GRK5: variants seen among roughly 807,000 people sequenced by gnomAD.
GRK5 encodes the protein g protein-coupled receptor kinase GRK5.
A neutral mutation model predicts 78.4 loss-of-function variants in GRK5; 40 were observed. That is an observed-to-expected ratio of 0.51 (90% CI 0.40 to 0.66). The LOEUF (loss-of-function observed/expected upper bound fraction) is 0.66, where lower values mean the gene tolerates loss of function less well. GRK5 is among the 30% of genes least tolerant of loss of function. The pLI, the probability that GRK5 is intolerant of heterozygous loss-of-function variation, is 0.00. For missense variants in GRK5, 598 were observed against 759.9 expected, an observed-to-expected ratio of 0.79 and a Z score of 2.50; for synonymous variants, 289 against 296.8, an observed-to-expected ratio of 0.97 and a Z score of 0.27.
At chr10:119,351,160 G>A (rs925960405) in intron 2 of GRK5, among the ~76,000 whole-genome samples, 1 of 152,196 alleles carries the variant, frequency 6.6e-6, no homozygotes, top group African/African-American at 2.4e-5. Context: ...TCCAGCCACT[G>A]CAACAGTAAT....
At chr10:119,266,597 G>A (rs1247701960) in intron 1 of GRK5, among the ~76,000 whole-genome samples, 1 of 152,142 alleles carries the variant, frequency 6.6e-6, no homozygotes, top group Non-Finnish European at 1.5e-5. Flanking sequence ...TAGTGAAGCC[G>A]GTGGGGCTGG....
At chr10:119,374,657 C>A (rs1377439933) in intron 2 of GRK5, among the ~76,000 whole-genome samples, 1 of 152,164 alleles carries the variant, frequency 6.6e-6, no homozygotes, top group Non-Finnish European at 1.5e-5. Flanking sequence ...CATTCATTAC[C>A]AAGGAAGTGT....
intron 2 of GRK5, among the ~76,000 whole-genome samples, chr10:119,345,061 T>C (rs917631531): frequency 1.3e-5 from 2 of 151,412 alleles, no homozygotes; most frequent in African/African-American, 4.9e-5. Flanking sequence ...CTCCACCTCC[T>C]GGGTTCAAGC....
At chr10:119,453,707 C>A (rs1853342004) in intron 15 of GRK5, among the ~76,000 whole-genome samples, 1 of 152,188 alleles carries the variant, frequency 6.6e-6, no homozygotes, top group Admixed American at 6.5e-5. Flanking sequence ...TGATTGAGAG[C>A]CACTGCCCTC....
chr10:119,208,372 G>A lies in GRK5; in HGVS notation c.52+403G>A, dbSNP rs535715724. On this transcript the variant is annotated intron_variant, in intron 1 of 15. Transcript: ENST00000392870. ...ACTGGTGTGTGTGTTCGAGGGGCGG[G>A]GGTGGAATGAGCAGAAGCCAAGTCT... Among the ~76,000 whole-genome samples the A allele has an allele frequency of 3.3e-5, 5 of 152,272 alleles. No individual in the cohort carries two copies. In the South Asian group the frequency reaches 1.0e-3, roughly 32 times the overall value.
At chr10:119,448,322 G>A in intron 13 of GRK5, 62 bp downstream of exon 13, 2 of 1,528,112 alleles carry the variant, frequency 1.3e-6, no homozygotes, top group Non-Finnish European at 1.8e-6. Flanking sequence ...CTGCCCCCGA[G>A]TGCTGCCTCA....
In GRK5 at chr10:119,430,626, G is replaced by A. The variant is rs1394141382; in HGVS notation, c.597+188G>A. On this transcript the variant is annotated intron_variant, in intron 7 of 15. Transcript: ENST00000392870. The surrounding 1 kb of genome is among the most constrained non-coding windows in gnomAD (Gnocchi z 4.5). ...TGGGGCTATCAGGTGTGTCTATGGT[G>A]GAAAGAGGTTGTGGAGCTGGGCAGG... 1.3e-5 allele frequency among the ~76,000 whole-genome samples: 2 copies of A among 152,050 alleles called. No individual in the cohort carries two copies. Among genetic ancestry groups the A allele is most frequent in the Admixed American group, 6.5e-5 (1 of 15,278 alleles).
At chr10:119,290,704 G>A (rs746451189) in intron 1 of GRK5, among the ~76,000 whole-genome samples, 1 of 151,754 alleles carries the variant, frequency 6.6e-6, no homozygotes, top group Non-Finnish European at 1.5e-5. Flanking sequence ...TTGTCCTTCC[G>A]AGTCCCTCTG....
intron 2 of GRK5, among the ~76,000 whole-genome samples, chr10:119,342,093 C>CA (rs11384740): frequency 1 from 152,123 of 152,322 alleles, 75,962 homozygotes; most frequent in Non-Finnish European, 1. Flanking sequence ...ACTGGTCAGG[C>CA]GAGATGGGCA....
chr10:119,331,339 G>A (rs988870571), intron 2 of GRK5, among the ~76,000 whole-genome samples: 1 of 152,248 alleles, frequency 6.6e-6, no homozygotes, highest in Non-Finnish European at 1.5e-5. Context: ...GCTGACGTGA[G>A]CCGTGGGGCT....
Position 119,309,271 on chromosome 10 carries a change from C to T in GRK5, c.53-17245C>T, listed in dbSNP as rs554831116. ...ACCTGGCATGGGTCAGTGCCGCCCA[C>T]GAGCCTGTGAGCTCTTGTAGGGCAG... On this transcript the variant is annotated intron_variant, in intron 1 of 15. Transcript: ENST00000392870. Among the ~76,000 whole-genome samples, 7 of 152,322 alleles carry T rather than the reference C, an allele frequency of 4.6e-5. No homozygotes were observed. The South Asian group carries it at 1.0e-3, about 23-fold the overall frequency.
At chr10:119,393,647 T>C (rs1333914750) in intron 3 of GRK5, among the ~76,000 whole-genome samples, 2 of 152,190 alleles carry the variant, frequency 1.3e-5, no homozygotes, top group African/African-American at 4.8e-5. Flanking sequence ...CCTGGGTGCT[T>C]CTCATTCTGG....
At chr10:119,354,395 CT>C (rs60146483) in intron 2 of GRK5, among the ~76,000 whole-genome samples, 1,156 of 87,760 alleles carry the variant, frequency 0.013, 3 homozygotes, top group African/African-American at 0.034. Flanking sequence ...CCTACATCTC[CT>C]TTTTTTTTTT....
At chr10:119,454,914 C>A (rs1853371840) in intron 15 of GRK5, 55 bp from the exon 16 acceptor site, 1 of 1,187,726 alleles carries the variant, frequency 8.4e-7, no homozygotes, top group Non-Finnish European at 1.3e-6. Context: ...ATCCCCAGGG[C>A]TCCCAGGACT....
intron 10 of GRK5, among the ~76,000 whole-genome samples, chr10:119,440,101 T>C (rs2133904710): frequency 6.6e-6 from 1 of 152,326 alleles, no homozygotes; most frequent in South Asian, 2.1e-4. Context: ...GGGCAAATAC[T>C]TAACTTCCAT....
In GRK5 at chr10:119,453,271, C is replaced by T. The variant is rs556570876; in HGVS notation, c.1669C>T (p.Arg557Trp). Reference protein sequence around the residue: ...KKGLLQRLFKRQHQNNSKSSP... With the variant: ...KKGLLQRLFKWQHQNNSKSSP... ...AGGGCTGCTCCAGAGACTCTTCAAG[C>T]GGCAGGTGAGACACCCATGCCTGGC... Residue 557 changes from arginine (R) to tryptophan (W), a missense_variant, in exon 15 of 16, where the codon CGG becomes TGG. Coordinates refer to ENST00000392870, the MANE Select transcript of GRK5 (RefSeq NM_005308.3). 17 of 1,613,970 alleles carry T rather than the reference C, an allele frequency of 1.1e-5. No homozygotes were observed. The highest frequency in any genetic ancestry group is 1.7e-4 in the Middle Eastern group (1 of 6,052).
chr10:119,252,438 C>G (rs1402851109), intron 1 of GRK5, among the ~76,000 whole-genome samples: 1 of 152,132 alleles, frequency 6.6e-6, no homozygotes, highest in African/African-American at 2.4e-5. Flanking sequence ...GTGTCTCTCT[C>G]TGGGCCGTGT....
intron 1 of GRK5, among the ~76,000 whole-genome samples, chr10:119,250,049 A>G (rs1849176281): frequency 6.6e-6 from 1 of 152,112 alleles, no homozygotes; most frequent in South Asian, 2.1e-4. Context: ...AGAACACTGA[A>G]TCCTCAAAGA....
At position 119,264,628 on chromosome 10, in the gene GRK5, G is replaced by T. The variant is rs551739568; in HGVS notation, c.52+56659G>T. Among the ~76,000 whole-genome samples the T allele has an allele frequency of 6.6e-6, 1 of 152,346 alleles. No homozygotes were observed. The highest frequency in any genetic ancestry group is 2.1e-4 in the South Asian group (1 of 4,828). On this transcript the variant is annotated intron_variant, in intron 1 of 15. Coordinates refer to ENST00000392870, the MANE Select transcript of GRK5 (RefSeq NM_005308.3). This position sits in a 1 kb window ranked among gnomAD's most constrained non-coding sequence, Gnocchi z 4.1. ...GGGCTTGGGTTTTGTGTACACATCT[G>T]AAATTGATCGTCATGGACAGGGGTT...
Sources: allele counts gnomAD v4.1 joint callset (sites outside exome capture counted in the v4.1 genomes callset), GRCh38; gene constraint gnomAD v4.1.1; non-coding constraint Gnocchi (gnomAD v3.1); transcripts MANE v1.5; gene names NCBI Gene and HGNC (gene_info 2026-07-23, HGNC 2026-07-21).